Variants in SYN3 observed in about 807,000 individuals in gnomAD.
SYN3 encodes the protein synapsin-3.
SYN3 carries 35 observed loss-of-function variants against 65.8 expected under a neutral mutation model. The ratio of observed to expected loss-of-function variants is 0.53; its 90% CI spans 0.41 to 0.70. The LOEUF is 0.70. Ranked by LOEUF, SYN3 falls within the 30% of genes least tolerant of loss-of-function variation. The pLI is 0.00. For missense variants in SYN3, 680 were observed against 749.0 expected (o/e 0.91, Z 1.08); for synonymous variants, 270 against 292.9 (o/e 0.92, Z 0.80).
chr22:32,706,674 A>C (rs781763168), intron 6 of SYN3, among the ~76,000 whole-genome samples: 1 of 152,236 alleles, frequency 6.6e-6, no homozygotes, highest in Non-Finnish European at 1.5e-5. Context: ...GAGACTCAGA[A>C]AGAATTAATT....
intron 6 of SYN3, among the ~76,000 whole-genome samples, chr22:32,767,452 C>G (rs1004841171): frequency 3.3e-5 from 5 of 152,036 alleles, no homozygotes; most frequent in Non-Finnish European, 5.9e-5. Context: ...ATTTTGAGAT[C>G]CATGTTTTGA....
chr22:33,056,157 A>G (rs1318854049), intron 1 of SYN3, among the ~76,000 whole-genome samples: 2 of 152,216 alleles, frequency 1.3e-5, no homozygotes, highest in Non-Finnish European at 2.9e-5. Context: ...AGACACTCAA[A>G]AAAGGGAAGC....
rs149961538 is a variant in SYN3 at position 32,868,694 on chromosome 22, G to A, written c.621+272C>T. On this transcript the variant is annotated intron_variant, in intron 5 of 13. Coordinates refer to ENST00000358763, the MANE Select transcript of SYN3 (RefSeq NM_003490.4). ...TCGAACTACCAACTTCAGGTGATCCGCCTGTCTTGGCCTCCCAAAGTGCTG... is the reference window on the plus strand; with the variant it reads ...TCGAACTACCAACTTCAGGTGATCCACCTGTCTTGGCCTCCCAAAGTGCTG... Among the ~76,000 whole-genome samples the A allele has an allele frequency of 9.8e-4, 149 of 152,042 alleles. 1 individual carries two copies. The highest frequency in any genetic ancestry group is 3.2e-3 in the African/African-American group (132 of 41,464).
intron 2 of SYN3, among the ~76,000 whole-genome samples, chr22:32,995,786 C>T (rs966397755): frequency 6.6e-6 from 1 of 152,158 alleles, no homozygotes; most frequent in Non-Finnish European, 1.5e-5. Flanking sequence ...CCTCAGCCTC[C>T]CAAGTAGCTG....
chr22:32,854,471 C>T (rs764792253), intron 6 of SYN3, among the ~76,000 whole-genome samples: 1 of 152,188 alleles, frequency 6.6e-6, no homozygotes, highest in African/African-American at 2.4e-5. Flanking sequence ...ATGAGGTTCC[C>T]ATGGGCTGGG....
intron 3 of SYN3, among the ~76,000 whole-genome samples, chr22:32,939,337 T>C (rs116438523): frequency 6.6e-6 from 1 of 152,148 alleles, no homozygotes; most frequent in African/African-American, 2.4e-5. Flanking sequence ...GAGGTAAGGA[T>C]GTACATTTTA....
At chr22:32,923,470 G>A (rs2050387069) in intron 4 of SYN3, among the ~76,000 whole-genome samples, 2 of 152,192 alleles carry the variant, frequency 1.3e-5, no homozygotes, top group Admixed American at 1.3e-4. Context: ...CACCATTCCT[G>A]AAGTTGCTCC....
At chr22:32,572,255 T>TTCCTTCCTTCTTTCCTTTCCTTCCTTCC (rs1246276846) in intron 7 of SYN3, among the ~76,000 whole-genome samples, 1 of 87,526 alleles carries the variant, frequency 1.1e-5, no homozygotes, top group African/African-American at 5.1e-5. Flanking sequence ...CCTTCCTTCC[T>TTCCTTCCTTCTTTCCTTTCCTTCCTTCC]TTCCTTCCTT....
intron 4 of SYN3, among the ~76,000 whole-genome samples, chr22:32,869,759 G>A (rs241906): frequency 0.011 from 1,529 of 144,370 alleles, 21 homozygotes; most frequent in African/African-American, 0.036. Context: ...TTTGATGGCC[G>A]AGCCCATGCC....
At chr22:32,628,409 C>G (rs2059699702) in intron 6 of SYN3, among the ~76,000 whole-genome samples, 2 of 152,118 alleles carry the variant, frequency 1.3e-5, no homozygotes, top group South Asian at 4.1e-4. Flanking sequence ...GGAAGGACAT[C>G]TGGGACTGGT....
chr22:33,042,267 A>G (rs2053977938), intron 1 of SYN3, among the ~76,000 whole-genome samples: 1 of 152,186 alleles, frequency 6.6e-6, no homozygotes, highest in Non-Finnish European at 1.5e-5. Context: ...CAAACTGACT[A>G]AGAGCCAACA....
At chr22:32,971,016 G>A (rs1374039641) in intron 3 of SYN3, among the ~76,000 whole-genome samples, 3 of 152,232 alleles carry the variant, frequency 2.0e-5, no homozygotes, top group African/African-American at 7.2e-5. Context: ...CTGGGTCCCA[G>A]TTTCCTCAGC....
intron 3 of SYN3, among the ~76,000 whole-genome samples, chr22:32,956,160 T>TC (rs2051457468): frequency 8.3e-6 from 1 of 120,380 alleles, no homozygotes; most frequent in Non-Finnish European, 1.7e-5. Flanking sequence ...CCTACTAACT[T>TC]TTTTTTTTTT....
chr22:32,774,294 C>A (rs1602114655), intron 6 of SYN3, among the ~76,000 whole-genome samples: 1 of 152,068 alleles, frequency 6.6e-6, no homozygotes, highest in Non-Finnish European at 1.5e-5. Context: ...TGGATTAGGG[C>A]GGGCTTTAAT....
intron 6 of SYN3, among the ~76,000 whole-genome samples, chr22:32,735,018 A>G (rs947455084): frequency 2.6e-5 from 4 of 152,192 alleles, no homozygotes; most frequent in African/African-American, 7.2e-5. Flanking sequence ...AGGCTTCCCA[A>G]TGAGGGGCAA....
chr22:32,653,273 A>C (rs1234940220), intron 6 of SYN3, among the ~76,000 whole-genome samples: 10 of 152,158 alleles, frequency 6.6e-5, no homozygotes, highest in Admixed American at 5.9e-4. Flanking sequence ...AAGAAAAAAA[A>C]AAAAAGGTAT....
chr22:32,996,600 G>A (rs569338435), intron 2 of SYN3, among the ~76,000 whole-genome samples: 6 of 152,092 alleles, frequency 3.9e-5, no homozygotes, highest in East Asian at 1.9e-4. Flanking sequence ...TTTAACTCTC[G>A]GGAATCATGT....
chr22:32,540,202 T>C (rs1299675212), intron 8 of SYN3, among the ~76,000 whole-genome samples: 3 of 152,222 alleles, frequency 2.0e-5, no homozygotes, highest in African/African-American at 7.2e-5. Flanking sequence ...TTGCTGACCC[T>C]TGGTCTAGGC....
At chr22:32,698,515 T>G (rs1476688459) in intron 6 of SYN3, among the ~76,000 whole-genome samples, 1 of 152,172 alleles carries the variant, frequency 6.6e-6, no homozygotes, top group Non-Finnish European at 1.5e-5. Flanking sequence ...AACCCAAAAA[T>G]GTGGCAAAGT....
Sources: allele counts gnomAD v4.1 joint callset (sites outside exome capture counted in the v4.1 genomes callset), GRCh38; gene constraint gnomAD v4.1.1; transcripts MANE v1.5; gene names NCBI Gene and HGNC (gene_info 2026-07-23, HGNC 2026-07-21).